The following SRGAP2 variants were observed in gnomAD, a reference collection of about 807,000 sequenced individuals.
SRGAP2 encodes SLIT-ROBO Rho GTPase activating protein 2, also known as SLIT-ROBO Rho GTPase-activating protein 2.
SRGAP2 carries 15 observed loss-of-function variants against 57.2 expected under a neutral mutation model. The observed-to-expected ratio is 0.26, with a 90% CI of 0.18 to 0.40. The LOEUF is 0.40. SRGAP2 is among the 10% of genes least tolerant of loss of function. The pLI, the probability that SRGAP2 is intolerant of heterozygous loss-of-function variation, is 1.00. For missense variants in SRGAP2, 520 were observed against 669.6 expected, an observed-to-expected ratio of 0.78 and a Z score of 2.47; for synonymous variants, 249 against 248.0, an observed-to-expected ratio of 1.00 and a Z score of -0.04.
rs1279058769 is a variant in SRGAP2, at chr1:206,372,946, T to TC, written c.424-11067dup. On this transcript the variant is annotated intron_variant, in intron 4 of 22. Transcript: ENST00000573034. The stretch of plus-strand genomic sequence containing the variant: ...TTCTTTCTTTCTTTCTTTCTTTCTT[T>TC]CTTTCTTTCTTTTCTTTCCTTTCTT... 5.7e-4 allele frequency among the ~76,000 whole-genome samples: 5 copies of TC among 8,744 alleles called. No individual in the cohort carries two copies. The African/African-American group carries it at 7.0e-3, about 12-fold the overall frequency. 5.7% of individuals were successfully genotyped at this position (8,744 alleles called of 152,430 possible). A position where few individuals can be genotyped will look rare whatever the true frequency, so the allele number is the denominator to read the frequency against.
chr1:206,455,446 G>A (rs537831841), intron 21 of SRGAP2: 8 of 218,146 alleles, frequency 3.7e-5, no homozygotes, highest in Non-Finnish European at 5.6e-5. Context: ...ACCCGTGTTC[G>A]TGCAAAGATT....
At chr1:206,353,939 A>G (rs1253547912) in intron 4 of SRGAP2, among the ~76,000 whole-genome samples, 2 of 150,628 alleles carry the variant, frequency 1.3e-5, no homozygotes, top group Non-Finnish European at 2.9e-5. Context: ...GTCTGATACT[A>G]CAGGTGTGTA....
At chr1:206,303,138 T>A (rs1671973408) in intron 2 of SRGAP2, 143 bp from the exon 3 acceptor site, 1 of 474,936 alleles carries the variant, frequency 2.1e-6, no homozygotes, top group Admixed American at 3.9e-5. Context: ...CTATGGCCAG[T>A]TTAGACTTTA....
chr1:206,412,386 T>C, intron 10 of SRGAP2, among the ~76,000 whole-genome samples: 1 of 152,218 alleles, frequency 6.6e-6, no homozygotes, highest in African/African-American at 2.4e-5. Context: ...TGAAAGTTGT[T>C]GGGGGTGGGC....
At chr1:206,339,403 A>G (rs1675012900) in intron 3 of SRGAP2, among the ~76,000 whole-genome samples, 1 of 147,758 alleles carries the variant, frequency 6.8e-6, no homozygotes, top group African/African-American at 2.5e-5. Context: ...ACAGGCTTGA[A>G]TGAAAAAATA....
intron 1 of SRGAP2, 68 bp downstream of exon 1, chr1:206,203,718 C>G: frequency 7.1e-7 from 1 of 1,403,448 alleles, no homozygotes; most frequent in Non-Finnish European, 9.5e-7. Context: ...CTGAACAAAC[C>G]GGGGCTGGGG....
chr1:206,321,236 T>C (rs1165434898), intron 3 of SRGAP2, among the ~76,000 whole-genome samples: 1 of 142,468 alleles, frequency 7.0e-6, no homozygotes, highest in Non-Finnish European at 1.5e-5. Context: ...ATTATTAGAT[T>C]CAAGTCACAC....
intron 3 of SRGAP2, among the ~76,000 whole-genome samples, chr1:206,323,579 A>C (rs1225902807): frequency 6.6e-6 from 1 of 151,868 alleles, no homozygotes; most frequent in Non-Finnish European, 1.5e-5. Context: ...CAGCATCAGC[A>C]TCAGCATCAG....
intron 3 of SRGAP2, among the ~76,000 whole-genome samples, chr1:206,319,827 G>A (rs1209460873): frequency 2.1e-5 from 3 of 143,722 alleles, no homozygotes; most frequent in East Asian, 3.9e-4. Flanking sequence ...TGTTTTTTGC[G>A]ATGGAGTCTC....
intron 14 of SRGAP2, among the ~76,000 whole-genome samples, chr1:206,436,090 G>C (rs1553369903): frequency 7.2e-6 from 1 of 139,006 alleles, no homozygotes; most frequent in African/African-American, 2.8e-5. Context: ...CGAGATTTTG[G>C]GGGGATTTTT....
chr1:206,283,901 G>GATAT (rs1670876557), intron 2 of SRGAP2, among the ~76,000 whole-genome samples: 1 of 135,056 alleles, frequency 7.4e-6, no homozygotes, highest in Non-Finnish European at 1.6e-5. Flanking sequence ...TTTAATAGGT[G>GATAT]ATATACACTA....
In SRGAP2 at chr1:206,346,842, G is replaced by C. The variant is rs144031151; in HGVS notation, c.423+3834G>C. Among the ~76,000 whole-genome samples the C allele has an allele frequency of 2.2e-3, 341 of 152,310 alleles. 2 individuals carry two copies. The highest frequency in any genetic ancestry group is 0.02 in the East Asian group (104 of 5,186). ...TGAACCTCTATGTGCCAGGTATTGTGTTAAGCACTTTATATGTATTATCTC... is the reference window on the plus strand; with the variant it reads ...TGAACCTCTATGTGCCAGGTATTGTCTTAAGCACTTTATATGTATTATCTC... On this transcript the variant is annotated intron_variant, in intron 4 of 22. Coordinates refer to ENST00000573034, the MANE Select transcript of SRGAP2 (RefSeq NM_015326.5).
chr1:206,356,672 T>A (rs1676459748), intron 4 of SRGAP2, among the ~76,000 whole-genome samples: 1 of 151,538 alleles, frequency 6.6e-6, no homozygotes, highest in South Asian at 2.1e-4. Flanking sequence ...TTGTCAAGAC[T>A]TTTCCTTTGA....
chr1:206,372,964 C>CTTTCCTTCCTTCCTTT, intron 4 of SRGAP2, among the ~76,000 whole-genome samples: 1 of 23,342 alleles, frequency 4.3e-5, no homozygotes, highest in South Asian at 1.9e-3. Flanking sequence ...TCTTTTCTTT[C>CTTTCCTTCCTTCCTTT]CTTTCTTTCT....
chr1:206,356,493 T>A (rs1380519639), intron 4 of SRGAP2, among the ~76,000 whole-genome samples: 2 of 152,118 alleles, frequency 1.3e-5, no homozygotes, highest in African/African-American at 4.8e-5. Flanking sequence ...AGGGAATTAA[T>A]GACTCATGCA....
intron 2 of SRGAP2, among the ~76,000 whole-genome samples, chr1:206,266,009 C>CT (rs1669819523): frequency 6.6e-6 from 1 of 151,824 alleles, no homozygotes; most frequent in Non-Finnish European, 1.5e-5. Flanking sequence ...TTAATAGAAT[C>CT]TAAGAATGTT....
At chr1:206,237,039 TA>T (rs1667946860) in intron 2 of SRGAP2, among the ~76,000 whole-genome samples, 2 of 147,002 alleles carry the variant, frequency 1.4e-5, no homozygotes. Flanking sequence ...TATTTTAACT[TA>T]AAAATATGTA....
chr1:206,244,826 T>C (rs1553309882), intron 2 of SRGAP2, among the ~76,000 whole-genome samples: 1 of 151,892 alleles, frequency 6.6e-6, no homozygotes, highest in Non-Finnish European at 1.5e-5. Flanking sequence ...TTTTTTTCCT[T>C]AAGATTGGTG....
intron 10 of SRGAP2, among the ~76,000 whole-genome samples, chr1:206,415,423 G>T (rs1572094107): frequency 6.6e-6 from 1 of 152,198 alleles, no homozygotes; most frequent in East Asian, 1.9e-4. Context: ...CCACATCCTG[G>T]GCTTGCAGCT....
Sources: gnomAD v4.1 joint callset for allele counts (sites outside exome capture counted in the v4.1 genomes callset) on GRCh38, gnomAD v4.1.1 for gene constraint, MANE v1.5 for transcripts, NCBI Gene and HGNC (gene_info 2026-07-23, HGNC 2026-07-21) for gene names.